TAS1R2: variants seen among roughly 807,000 people sequenced by gnomAD.
TAS1R2 encodes the protein taste receptor type 1 member 2.
A neutral mutation model predicts 49.3 loss-of-function variants in TAS1R2; 47 were observed. The ratio of observed to expected loss-of-function variants is 0.95; its 90% CI spans 0.75 to 1.22. The LOEUF is 1.22. TAS1R2 is among the 50% of genes most tolerant of loss of function. The pLI is 0.00. For synonymous variants in TAS1R2, 479 were observed against 467.9 expected (o/e 1.02, Z -0.31); for missense variants, 1,155 against 1,122.1 (o/e 1.03, Z -0.42).
chr1:18,857,688 A>G (rs1934164522), intron 1 of TAS1R2, 57 bp from the exon 2 acceptor site: 3 of 1,557,304 alleles, frequency 1.9e-6, no homozygotes, highest in South Asian at 2.4e-5. Flanking sequence ...GAAGGAAGAG[A>G]TAAGAGAACC....
chr1:18,841,788 T>G (rs1319901186), exon 5 of TAS1R2: 1 of 1,614,050 alleles, frequency 6.2e-7, no homozygotes, highest in Admixed American at 1.7e-5. Context: ...GCAGCAGACG[T>G]GGATGCCCAC....
At chr1:18,849,300 C>A (rs748117109) in intron 4 of TAS1R2, 41 bp downstream of exon 4, 1 of 1,608,592 alleles carries the variant, frequency 6.2e-7, no homozygotes, top group African/African-American at 1.3e-5. Context: ...GGCCCCAGGC[C>A]CCGCCCCAGG....
intron 4 of TAS1R2, among the ~76,000 whole-genome samples, chr1:18,844,198 G>A (rs1933876306): frequency 6.6e-6 from 1 of 152,172 alleles, no homozygotes; most frequent in Non-Finnish European, 1.5e-5. Context: ...GATGCAAGCA[G>A]GACACTTGGT....
exon 5 of TAS1R2, chr1:18,841,741 T>G (rs1933829089): frequency 6.2e-7 from 1 of 1,613,546 alleles, no homozygotes; most frequent in African/African-American, 1.3e-5. Flanking sequence ...TCAGTGTGGT[T>G]GAGGAAGGTG....
intron 3 of TAS1R2, among the ~76,000 whole-genome samples, chr1:18,851,027 G>GA: frequency 6.6e-6 from 1 of 152,224 alleles, no homozygotes; most frequent in Admixed American, 6.5e-5. Context: ...TAACAGATGA[G>GA]AAAATCAAGG....
At chr1:18,845,642 G>C (rs772450428) in intron 4 of TAS1R2, among the ~76,000 whole-genome samples, 2 of 152,216 alleles carry the variant, frequency 1.3e-5, no homozygotes, top group Non-Finnish European at 2.9e-5. Flanking sequence ...AGAAGTAACT[G>C]ACCTGGATTC....
chr1:18,846,590 A>G (rs1170610424), intron 4 of TAS1R2, among the ~76,000 whole-genome samples: 1 of 152,248 alleles, frequency 6.6e-6, no homozygotes, highest in African/African-American at 2.4e-5. Context: ...CCAGGACCCC[A>G]GAATGTGACC....
At chr1:18,840,667 A>C in intron 5 of TAS1R2, 140 bp from the exon 6 acceptor site, 1 of 797,902 alleles carries the variant, frequency 1.3e-6, no homozygotes, top group Non-Finnish European at 2.0e-6. Flanking sequence ...AGTACTCCTC[A>C]AGTCTCATGT....
At chr1:18,851,583 C>G (rs1229104752) in intron 3 of TAS1R2, among the ~76,000 whole-genome samples, 1 of 152,102 alleles carries the variant, frequency 6.6e-6, no homozygotes. Flanking sequence ...TCTGCCTCGG[C>G]CTGCCAAACT....
At chr1:18,850,868 A>G (rs778907263) in intron 3 of TAS1R2, among the ~76,000 whole-genome samples, 1 of 152,142 alleles carries the variant, frequency 6.6e-6, no homozygotes, top group Non-Finnish European at 1.5e-5. Flanking sequence ...CCACCTCTCC[A>G]ACCCCACACT....
chr1:18,840,899 C>T (rs191357572), intron 5 of TAS1R2, among the ~76,000 whole-genome samples: 191 of 152,300 alleles, frequency 1.3e-3, no homozygotes, highest in Non-Finnish European at 1.8e-3. Flanking sequence ...GCATTCAATA[C>T]ACGTGTTTTT....
rs565839301 is a variant in TAS1R2 at position 18,849,390 on chromosome 1, C to T, written c.1418G>A (p.Arg473Gln). The change falls in exon 4 of 6, where the codon CGA becomes CAA. Residue 473 changes from arginine to glutamine, a missense_variant. Transcript: ENST00000375371. Reference sequence around the variant, plus strand: ...GATGTCTTGGATGTTCTTCAGCTGTCGCTGCAGGGGGTAGTAGGAGGCGAC... The same window carrying T: ...GATGTCTTGGATGTTCTTCAGCTGTTGCTGCAGGGGGTAGTAGGAGGCGAC... 4.7e-5 allele frequency: 76 copies of T among 1,614,158 alleles called. 1 individual carries two copies. In the South Asian group the frequency reaches 6.9e-4, roughly 15 times the overall value.
At chr1:18,843,271 A>G (rs1933859134) in intron 4 of TAS1R2, among the ~76,000 whole-genome samples, 1 of 152,194 alleles carries the variant, frequency 6.6e-6, no homozygotes, top group South Asian at 2.1e-4. Context: ...TTTTATATCC[A>G]AGTAAGACCT....
intron 2 of TAS1R2, among the ~76,000 whole-genome samples, chr1:18,856,792 A>G (rs1569680304): frequency 6.6e-6 from 1 of 152,304 alleles, no homozygotes; most frequent in East Asian, 1.9e-4. Flanking sequence ...TGCACTTGGC[A>G]CTTTCAATCA....
rs200506736 is a variant in TAS1R2 at position 18,841,710 on chromosome 1, C to G, written c.1591+19G>C. The G allele has an allele frequency of 2.1e-5, 34 of 1,609,960 alleles. No homozygotes were observed. The highest frequency in any genetic ancestry group is 5.5e-5 in the South Asian group (5 of 90,812). The stretch of plus-strand genomic sequence containing the variant: ...GCAGGGCAGGGGCAGGGCAGGAGTG[C>G]TAGGCCTGTGAATCATACCTTCAGT... On this transcript the variant is annotated intron_variant, in intron 5 of 5. Coordinates refer to ENST00000375371, the Ensembl canonical transcript of TAS1R2.
In TAS1R2 at chr1:18,854,772, C is replaced by T. The variant is rs1444202779; in HGVS notation, c.698G>A (p.Cys233Tyr). ...GGGCAGCGTCTCCTGGAAGGCGATG[C>T]AGATGTCGCGCCGGGCCACGCGCTC... Residue 233 changes from cysteine to tyrosine, a missense_variant, in exon 3 of 6, where the codon TGC becomes TAC. Cys to Tyr is a radical substitution (Grantham distance 194). Coordinates refer to ENST00000375371, the Ensembl canonical transcript of TAS1R2. The surrounding 1 kb of genome is among the most constrained non-coding windows in gnomAD (Gnocchi z 4.9). 1.2e-6 allele frequency: 2 copies of T among 1,608,102 alleles called. No individual in the cohort carries two copies. The highest frequency in any genetic ancestry group is 4.5e-5 in the East Asian group (2 of 44,802).
At position 18,839,969 on chromosome 1, in the gene TAS1R2, A is replaced by C. The variant is rs769728125; in HGVS notation, c.2150T>G (p.Ile717Ser). 3.7e-6 allele frequency: 6 copies of C among 1,614,092 alleles called. No homozygotes were observed. Among genetic ancestry groups the C allele is most frequent in the Non-Finnish European group, 5.1e-6 (6 of 1,180,012 alleles). ...GCGGTAGTTGGGGTTACAGGAGACA[A>C]TTGTGATCTTGGGGTCATCGGGGTC... is the stretch of plus-strand genomic sequence containing the variant. The change falls in exon 6 of 6, where the codon ATT becomes AGT. Residue 717 changes from isoleucine (I) to serine (S), a missense_variant. Ile to Ser is a moderately radical substitution (Grantham distance 142). Transcript: ENST00000375371.
chr1:18,856,876 C>T (rs1257741294), intron 2 of TAS1R2, among the ~76,000 whole-genome samples: 1 of 152,176 alleles, frequency 6.6e-6, no homozygotes, highest in Non-Finnish European at 1.5e-5. Context: ...CGAGGCAGAC[C>T]TTGTGCTAGG....
chr1:18,841,608 A>G, intron 5 of TAS1R2, 121 bp downstream of exon 5: 1 of 1,389,728 alleles, frequency 7.2e-7, no homozygotes, highest in Non-Finnish European at 9.6e-7. Flanking sequence ...GCCTTTGGAC[A>G]CTCACACCCC....
Sources: allele counts gnomAD v4.1 joint callset (sites outside exome capture counted in the v4.1 genomes callset), GRCh38; gene constraint gnomAD v4.1.1; non-coding constraint Gnocchi (gnomAD v3.1); transcripts MANE v1.5; gene names NCBI Gene and HGNC (gene_info 2026-07-23, HGNC 2026-07-21).